STX8: variants seen among roughly 807,000 people sequenced by gnomAD.
STX8 encodes the protein syntaxin 8.
STX8 carries 23 observed loss-of-function variants against 37.5 expected under a neutral mutation model. That is an observed-to-expected ratio of 0.61 (90% CI 0.44 to 0.87). The LOEUF is 0.87. Ranked by LOEUF, STX8 falls within the 40% of genes least tolerant of loss-of-function variation. STX8 has a pLI of 0.00. For missense variants in STX8, 313 were observed against 284.7 expected (o/e 1.10, Z -0.71); for synonymous variants, 115 against 99.1 (o/e 1.16, Z -0.95).
intron 4 of STX8, among the ~76,000 whole-genome samples, chr17:9,517,173 T>G (rs1324959637): frequency 6.6e-6 from 1 of 152,138 alleles, no homozygotes; most frequent in African/African-American, 2.4e-5. Flanking sequence ...CACTCCTCCT[T>G]ATCTTGCTTA....
At position 9,546,397 on chromosome 17, in the gene STX8, A is replaced by AC. The variant is rs1048438832; in HGVS notation, c.213-1116_213-1115insG. 2.3e-3 allele frequency among the ~76,000 whole-genome samples: 352 copies of AC among 151,392 alleles called. 10 individuals carry two copies. The East Asian group carries it at 0.053, about 23-fold the overall frequency. Reference sequence around the variant, plus strand: ...TTCATAAGTGATGGTTAAAAAAAAAAAACCAAACAACCATCCTTCTGGGAA... The same window carrying AC: ...TTCATAAGTGATGGTTAAAAAAAAAACAACCAAACAACCATCCTTCTGGGAA... On this transcript the variant is annotated intron_variant, in intron 3 of 7. Transcript: ENST00000306357.
In STX8 at chr17:9,416,452, G is replaced by A. The variant is rs149667645; in HGVS notation, c.542-37799C>T. Among the ~76,000 whole-genome samples the A allele has an allele frequency of 4.6e-5, 7 of 151,798 alleles. No individual in the cohort carries two copies. The South Asian group carries it at 8.3e-4, about 18-fold the overall frequency. ...TAGCACGATCTCAGTTCACTGAAAC[G>A]TCCACCTCCCAGGTTCAAGCAATTC... On this transcript the variant is annotated intron_variant, in intron 6 of 7. Coordinates refer to ENST00000306357, the MANE Select transcript of STX8 (RefSeq NM_004853.3).
At chr17:9,499,309 GAA>G in intron 5 of STX8, among the ~76,000 whole-genome samples, 1 of 152,206 alleles carries the variant, frequency 6.6e-6, no homozygotes, top group Non-Finnish European at 1.5e-5. Context: ...TTGAGGCAGA[GAA>G]AAGGCTAATA....
At chr17:9,360,745 GGGC>G (rs954649281) in intron 7 of STX8, among the ~76,000 whole-genome samples, 1 of 151,242 alleles carries the variant, frequency 6.6e-6, no homozygotes, top group African/African-American at 2.4e-5. Context: ...AGAGAAATAC[GGGC>G]TGTTTCGAGC....
intron 7 of STX8, among the ~76,000 whole-genome samples, chr17:9,310,656 G>C (rs1002927005): frequency 2.0e-5 from 3 of 152,118 alleles, no homozygotes; most frequent in Non-Finnish European, 2.9e-5. Context: ...TGTGGGGTTG[G>C]GGAGGGGTGG....
intron 1 of STX8, among the ~76,000 whole-genome samples, chr17:9,568,735 C>T (rs1302947392): frequency 6.6e-6 from 1 of 152,146 alleles, no homozygotes; most frequent in Non-Finnish European, 1.5e-5. Context: ...CTCCTGACCT[C>T]GTGATCCGCC....
intron 7 of STX8, among the ~76,000 whole-genome samples, chr17:9,330,581 GT>G (rs1476349255): frequency 1.3e-5 from 2 of 152,212 alleles, no homozygotes; most frequent in Non-Finnish European, 2.9e-5. Context: ...TTTCTAAAAG[GT>G]TTATTAGTTC....
At chr17:9,270,299 C>G (rs1907403388) in intron 7 of STX8, among the ~76,000 whole-genome samples, 1 of 152,204 alleles carries the variant, frequency 6.6e-6, no homozygotes, top group Non-Finnish European at 1.5e-5. Context: ...GGCTGGAGTG[C>G]AGTGGCGCGA....
intron 6 of STX8, among the ~76,000 whole-genome samples, chr17:9,485,581 T>C (rs1906553342): frequency 7.3e-6 from 1 of 137,490 alleles, no homozygotes; most frequent in Non-Finnish European, 1.5e-5. Flanking sequence ...TTTTGTTTTT[T>C]TGTTTTTTGG....
At chr17:9,385,431 G>T (rs1233337450) in intron 6 of STX8, among the ~76,000 whole-genome samples, 1 of 152,090 alleles carries the variant, frequency 6.6e-6, no homozygotes, top group Non-Finnish European at 1.5e-5. Flanking sequence ...CATAGTATTT[G>T]TATCTAGAGT....
chr17:9,423,846 G>C (rs554192328), intron 6 of STX8, among the ~76,000 whole-genome samples: 1 of 152,162 alleles, frequency 6.6e-6, no homozygotes, highest in Non-Finnish European at 1.5e-5. Context: ...GTCCATATCA[G>C]TCACGGGCTG....
intron 6 of STX8, among the ~76,000 whole-genome samples, chr17:9,476,651 C>A (rs1320238607): frequency 2.0e-5 from 3 of 152,006 alleles, no homozygotes; most frequent in Non-Finnish European, 2.9e-5. Context: ...TGGGGTTTCA[C>A]CATGCTGGCT....
chr17:9,393,066 C>T (rs1912279482), intron 6 of STX8, among the ~76,000 whole-genome samples: 2 of 152,102 alleles, frequency 1.3e-5, no homozygotes, highest in South Asian at 4.1e-4. Context: ...ATCCAAATTG[C>T]TGAACACTAA....
intron 7 of STX8, among the ~76,000 whole-genome samples, chr17:9,266,071 C>CAA (rs1597572851): frequency 6.6e-6 from 1 of 152,238 alleles, no homozygotes; most frequent in East Asian, 1.9e-4. Flanking sequence ...ACTAGGGTGC[C>CAA]TTCCTACACG....
At chr17:9,426,875 A>G (rs1396270379) in intron 6 of STX8, among the ~76,000 whole-genome samples, 1 of 152,188 alleles carries the variant, frequency 6.6e-6, no homozygotes, top group Non-Finnish European at 1.5e-5. Context: ...TGTAAGAGAC[A>G]CACCTAGTAT....
intron 7 of STX8, among the ~76,000 whole-genome samples, chr17:9,261,653 T>G (rs1185767859): frequency 6.6e-6 from 1 of 152,158 alleles, no homozygotes; most frequent in African/African-American, 2.4e-5. Flanking sequence ...TTCCCTGAAA[T>G]AAGCTCAGCT....
chr17:9,293,020 G>T (rs1908372084), intron 7 of STX8, among the ~76,000 whole-genome samples: 1 of 152,146 alleles, frequency 6.6e-6, no homozygotes, highest in Non-Finnish European at 1.5e-5. Context: ...CATGGATACT[G>T]GTTGGTTAAG....
In STX8 at chr17:9,430,143, A is replaced by AT. The variant is rs1913899164; in HGVS notation, c.542-51491dup. ...TAAATATAAATATAAAATATATATA[A>AT]TTTATATATAAAATATAAAATATAT... On this transcript the variant is annotated intron_variant, in intron 6 of 7. Transcript: ENST00000306357. 3.0e-5 allele frequency among the ~76,000 whole-genome samples: 3 copies of AT among 101,552 alleles called. No homozygotes were observed. The South Asian group carries it at 8.2e-4, about 28-fold the overall frequency. 66.6% of individuals were successfully genotyped at this position (101,552 alleles called of 152,430 possible).
chr17:9,268,979 A>G (rs963883168), intron 7 of STX8, among the ~76,000 whole-genome samples: 4 of 152,142 alleles, frequency 2.6e-5, no homozygotes, highest in Admixed American at 2.0e-4. Context: ...TGAAGTCAGC[A>G]GATCGAGACC....
Sources: allele counts gnomAD v4.1 joint callset (sites outside exome capture counted in the v4.1 genomes callset), GRCh38; gene constraint gnomAD v4.1.1; transcripts MANE v1.5; gene names NCBI Gene and HGNC (gene_info 2026-07-23, HGNC 2026-07-21).